The following SSPN variants were observed in gnomAD, a reference collection of about 807,000 sequenced individuals.
SSPN encodes the protein sarcospan, also known as K-ras oncogene-associated protein.
In SSPN, 15 loss-of-function variants were observed where a neutral mutation model predicts 19.1. The observed-to-expected ratio is 0.78, with a 90% CI of 0.52 to 1.21. SSPN has a LOEUF of 1.21. SSPN is among the 50% of genes most tolerant of loss of function. The probability of loss-of-function intolerance (pLI) is 0.00; values close to 1 mark genes in which losing one functional copy is unlikely to be tolerated. For missense variants in SSPN, 291 were observed against 314.0 expected (o/e 0.93, Z 0.55); for synonymous variants, 147 against 140.3 (o/e 1.05, Z -0.34).
At chr12:26,185,536 G>A (rs1425368029) in intron 1 of SSPN, among the ~76,000 whole-genome samples, 3 of 152,180 alleles carry the variant, frequency 2.0e-5, no homozygotes, top group African/African-American at 7.2e-5. Context: ...CCTGGGCAGG[G>A]GAGAAAAGAA....
At chr12:26,149,286 C>T (rs1944511031) in intron 1 of SSPN, among the ~76,000 whole-genome samples, 1 of 151,034 alleles carries the variant, frequency 6.6e-6, no homozygotes, top group Non-Finnish European at 1.5e-5. Flanking sequence ...TATACATCTA[C>T]CTTGTATTTG....
chr12:26,145,919 T>C (rs1944487536), intron 1 of SSPN, among the ~76,000 whole-genome samples: 2 of 152,212 alleles, frequency 1.3e-5, no homozygotes, highest in Admixed American at 6.5e-5. Context: ...TGTGGACCCA[T>C]GTACACATGT....
At chr12:26,173,231 C>T (rs935648226) in intron 1 of SSPN, among the ~76,000 whole-genome samples, 2 of 152,104 alleles carry the variant, frequency 1.3e-5, no homozygotes, top group Non-Finnish European at 2.9e-5. Context: ...TGTGTGTTTC[C>T]TTTCTTTAGA....
At chr12:26,210,445 A>G (rs1206089003) in intron 1 of SSPN, among the ~76,000 whole-genome samples, 10 of 151,994 alleles carry the variant, frequency 6.6e-5, no homozygotes, top group Non-Finnish European at 1.5e-4. Flanking sequence ...GTTGACTCAT[A>G]TATTTCTAAC....
At chr12:26,187,896 G>C (rs875296) in intron 1 of SSPN, among the ~76,000 whole-genome samples, 103,295 of 151,996 alleles carry the variant, frequency 0.68, 36,517 homozygotes, top group East Asian at 0.78. Flanking sequence ...TTTTGTGAAG[G>C]GTATAAGAAG....
At chr12:26,194,812 T>C (rs944548796), upstream of SSPN, among the ~76,000 whole-genome samples, 2 of 152,094 alleles carry the variant, frequency 1.3e-5, no homozygotes, top group Non-Finnish European at 2.9e-5. Context: ...CATAATGAGA[T>C]CCCATCTCTA....
In SSPN at chr12:26,195,643, A is replaced by AAACCCCCCCCC; in HGVS notation, c.-30_-29insAACCCCCCCCC. 1 of 242,024 alleles carries AAACCCCCCCCC rather than the reference A, an allele frequency of 4.1e-6. No homozygotes were observed. The highest frequency in any genetic ancestry group is 6.7e-6 in the Non-Finnish European group (1 of 150,342). The allele number at this position is 242,024 out of a possible 1,614,324, so 15.0% of individuals were successfully genotyped here. On this transcript the variant is annotated 5_prime_UTR_variant, in exon 1 of 3. Coordinates refer to ENST00000242729, the MANE Select transcript of SSPN (RefSeq NM_005086.5). ...CCAGGGCCCAGGGCGCCGCACACGC[A>AAACCCCCCCCC]CCCACCCACCCACCCAGCCTCGCAG... is the stretch of plus-strand genomic sequence containing the variant.
At chr12:26,221,524 A>G (rs1945120508) in intron 1 of SSPN, among the ~76,000 whole-genome samples, 2 of 152,208 alleles carry the variant, frequency 1.3e-5, no homozygotes, top group South Asian at 2.1e-4. Context: ...GAATAAGTCA[A>G]ATGCTCTAGA....
At chr12:26,141,069 G>A (rs1944457967) in intron 1 of SSPN, among the ~76,000 whole-genome samples, 1 of 152,184 alleles carries the variant, frequency 6.6e-6, no homozygotes, top group African/African-American at 2.4e-5. Context: ...CCTGGAACCT[G>A]TGAATATATT....
intron 1 of SSPN, among the ~76,000 whole-genome samples, chr12:26,146,911 A>G (rs1944495556): frequency 3.9e-5 from 6 of 152,114 alleles, no homozygotes; most frequent in Admixed American, 3.9e-4. Context: ...AAAAAGCAGT[A>G]TGTATATTAC....
At chr12:26,122,755 T>C (rs1034367256) in intron 1 of SSPN, 1 of 1,596,536 alleles carries the variant, frequency 6.3e-7, no homozygotes, top group Non-Finnish European at 8.5e-7. Flanking sequence ...CCTTTGCCTT[T>C]CTCGCGGTCC....
chr12:26,195,891 C>A lies in SSPN; in HGVS notation c.219C>A (p.Leu73=). ...TCGCCGTGACCGTGGTGGGCTTCCTCATGGCGAGCATCAGCTCCTCCCTGC... is the reference window on the plus strand; with the variant it reads ...TCGCCGTGACCGTGGTGGGCTTCCTAATGGCGAGCATCAGCTCCTCCCTGC... ...LGIAVTVVGF[L]MASISSSLLV... is the part of the protein sequence containing the mutation. Residue 73 remains leucine, a synonymous_variant, in exon 1 of 3, where the codon CTC becomes CTA. Transcript: ENST00000242729. The A allele has an allele frequency of 6.3e-7, 1 of 1,577,130 alleles. No homozygotes were observed. The highest frequency in any genetic ancestry group is 8.6e-7 in the Non-Finnish European group (1 of 1,164,548).
At chr12:26,123,735 C>G in intron 1 of SSPN, 3 of 1,611,642 alleles carry the variant, frequency 1.9e-6, no homozygotes, top group Non-Finnish European at 2.5e-6. Flanking sequence ...TCCAGATGTC[C>G]CAGAGTCTGC....
intron 1 of SSPN, among the ~76,000 whole-genome samples, chr12:26,155,102 T>C (rs1944548026): frequency 6.6e-6 from 1 of 152,200 alleles, no homozygotes; most frequent in African/African-American, 2.4e-5. Flanking sequence ...AGCAAAACCA[T>C]GTTCTATGAA....
chr12:26,156,685 A>G (rs918489179), intron 1 of SSPN, among the ~76,000 whole-genome samples: 2 of 152,220 alleles, frequency 1.3e-5, no homozygotes, highest in African/African-American at 4.8e-5. Flanking sequence ...CTGCGACGGA[A>G]GTTTCATAGA....
chr12:26,122,483 C>CGCG (rs1944318618), intron 1 of SSPN: 2 of 1,332,060 alleles, frequency 1.5e-6, no homozygotes, highest in African/African-American at 1.5e-5. Context: ...AGAAGGGGGC[C>CGCG]GCGGCGGCCG....
At chr12:26,181,440 G>A (rs924057198) in intron 1 of SSPN, among the ~76,000 whole-genome samples, 5 of 152,202 alleles carry the variant, frequency 3.3e-5, no homozygotes, top group Middle Eastern at 3.4e-3. Context: ...GTTTTCCACT[G>A]TCTTATTTTT....
chr12:26,136,092 C>G (rs1944423553), intron 1 of SSPN, among the ~76,000 whole-genome samples: 1 of 152,120 alleles, frequency 6.6e-6, no homozygotes, highest in Non-Finnish European at 1.5e-5. Flanking sequence ...ACATTTTCCC[C>G]TTGTCATTAT....
At chr12:26,124,958 GCACACACA>G in intron 1 of SSPN, 2 of 690,570 alleles carry the variant, frequency 2.9e-6, no homozygotes, top group South Asian at 1.6e-5. Flanking sequence ...CACCGCGCTC[GCACACACA>G]CACGCACACA....
Sources: allele counts gnomAD v4.1 joint callset (sites outside exome capture counted in the v4.1 genomes callset), GRCh38; gene constraint gnomAD v4.1.1; transcripts MANE v1.5; gene names NCBI Gene and HGNC (gene_info 2026-07-23, HGNC 2026-07-21).